The following NR3C2 variants were observed in gnomAD, a reference collection of about 807,000 sequenced individuals.
The protein encoded by NR3C2 is nuclear receptor subfamily 3 group C member 2.
Under a neutral mutation model 86.4 loss-of-function variants are expected in NR3C2, and 15 were observed. The observed-to-expected ratio is 0.17, with a 90% CI of 0.12 to 0.27. The LOEUF (loss-of-function observed/expected upper bound fraction) is 0.27. NR3C2 is among the 10% of genes least tolerant of loss of function. NR3C2 has a pLI of 1.00. For missense variants in NR3C2, 960 were observed against 1,195.6 expected (o/e 0.80, Z 2.91); for synonymous variants, 458 against 450.5 (o/e 1.02, Z -0.21).
At chr4:148,262,939 C>A (rs1740198870) in intron 2 of NR3C2, among the ~76,000 whole-genome samples, 2 of 152,194 alleles carry the variant, frequency 1.3e-5, no homozygotes, top group Non-Finnish European at 2.9e-5. Context: ...ACTCCTCCAG[C>A]ACCATCTACT....
At chr4:148,189,014 G>T (rs549166860) in intron 4 of NR3C2, among the ~76,000 whole-genome samples, 2 of 143,952 alleles carry the variant, frequency 1.4e-5, no homozygotes, top group East Asian at 4.3e-4. Context: ...TGCAACCTCC[G>T]CCTCCTGGGT....
intron 3 of NR3C2, among the ~76,000 whole-genome samples, chr4:148,249,376 T>C (rs1739468150): frequency 6.6e-6 from 1 of 152,166 alleles, no homozygotes; most frequent in Non-Finnish European, 1.5e-5. Context: ...GTACTAGATC[T>C]AGAATACTGT....
intron 3 of NR3C2, among the ~76,000 whole-genome samples, chr4:148,236,096 T>C (rs1473550281): frequency 2.6e-5 from 4 of 152,184 alleles, no homozygotes; most frequent in Non-Finnish European, 2.9e-5. Context: ...GACGTCCCCT[T>C]GGGAATGGCA....
Position 148,436,389 on chromosome 4 carries a change from T to A in NR3C2, c.472A>T (p.Asn158Tyr). ...GHRPSTLSCV[N>Y]TPLRSFMSDS... ...GACATAAATGATCTCAAGGGCGTGTTCACACAACTTAGAGTGGAAGGACGA... is the reference window on the plus strand; with the variant it reads ...GACATAAATGATCTCAAGGGCGTGTACACACAACTTAGAGTGGAAGGACGA... The change falls in exon 2 of 9, where the codon AAC (asparagine) becomes TAC (tyrosine). Residue 158 changes from asparagine to tyrosine, a missense_variant. Physicochemically the swap from Asn to Tyr is moderately radical, Grantham distance 143 (BLOSUM62 -2). Transcript: ENST00000358102. 1 of 1,614,244 alleles carries A rather than the reference T, an allele frequency of 6.2e-7. No individual in the cohort carries two copies. The highest frequency in any genetic ancestry group is 8.5e-7 in the Non-Finnish European group (1 of 1,180,044).
intron 2 of NR3C2, among the ~76,000 whole-genome samples, chr4:148,347,754 A>G (rs574504143): frequency 6.6e-6 from 1 of 152,260 alleles, no homozygotes; most frequent in East Asian, 1.9e-4. Flanking sequence ...TTACAACCTC[A>G]TGACACAAAA....
intron 6 of NR3C2, among the ~76,000 whole-genome samples, chr4:148,147,244 G>A (rs768383081): frequency 2.0e-5 from 3 of 152,030 alleles, no homozygotes; most frequent in African/African-American, 7.3e-5. Flanking sequence ...TGCTAATACC[G>A]AAGAATAAGA....
intron 2 of NR3C2, among the ~76,000 whole-genome samples, chr4:148,284,431 G>A (rs772622688): frequency 1.3e-5 from 2 of 152,090 alleles, no homozygotes; most frequent in African/African-American, 2.4e-5. Context: ...TCTGAGTGTC[G>A]ATAGCTCATG....
At chr4:148,239,930 C>T (rs541897202) in intron 3 of NR3C2, among the ~76,000 whole-genome samples, 11 of 151,846 alleles carry the variant, frequency 7.2e-5, no homozygotes, top group Non-Finnish European at 1.2e-4. Context: ...TCCTCTTTCA[C>T]GATGATGGGG....
chr4:148,107,546 C>T (rs553262688), intron 8 of NR3C2, among the ~76,000 whole-genome samples: 11 of 152,254 alleles, frequency 7.2e-5, no homozygotes, highest in Non-Finnish European at 1.2e-4. Context: ...TGCATGCACA[C>T]GTATATTTAT....
At chr4:148,398,414 A>C (rs1403570849) in intron 2 of NR3C2, among the ~76,000 whole-genome samples, 1 of 152,214 alleles carries the variant, frequency 6.6e-6, no homozygotes, top group Non-Finnish European at 1.5e-5. Context: ...GTGTACCCTT[A>C]AAGTATCCAA....
intron 3 of NR3C2, among the ~76,000 whole-genome samples, chr4:148,225,861 T>C (rs1738131091): frequency 6.6e-6 from 1 of 152,178 alleles, no homozygotes; most frequent in African/African-American, 2.4e-5. Context: ...GGCACTCGAC[T>C]GTATCACTCA....
intron 4 of NR3C2, among the ~76,000 whole-genome samples, chr4:148,186,996 G>GTATGTA (rs1735939864): frequency 7.4e-5 from 2 of 27,202 alleles, no homozygotes; most frequent in Non-Finnish European, 1.1e-4. Flanking sequence ...GTGTATGTAT[G>GTATGTA]TATATATATA....
chr4:148,203,256 A>G (rs933916101), intron 3 of NR3C2, among the ~76,000 whole-genome samples: 11 of 152,082 alleles, frequency 7.2e-5, no homozygotes, highest in African/African-American at 2.4e-4. Context: ...GTACGTCTTC[A>G]CTAACTACCC....
upstream of NR3C2, chr4:148,444,326 C>T: frequency 1.0e-6 from 1 of 985,472 alleles, no homozygotes; most frequent in Non-Finnish European, 1.2e-6. Flanking sequence ...GGGGCAGCCG[C>T]CGCGATCACT....
At chr4:148,428,459 T>C (rs1245817909) in intron 2 of NR3C2, among the ~76,000 whole-genome samples, 1 of 152,050 alleles carries the variant, frequency 6.6e-6, no homozygotes, top group Non-Finnish European at 1.5e-5. Flanking sequence ...CTAAGCACAA[T>C]ACATAATTCT....
At chr4:148,132,621 G>C (rs1356051962) in intron 6 of NR3C2, among the ~76,000 whole-genome samples, 2 of 152,146 alleles carry the variant, frequency 1.3e-5, no homozygotes, top group African/African-American at 2.4e-5. Context: ...GCTTTGCTAA[G>C]ACAGTTTATA....
intron 2 of NR3C2, among the ~76,000 whole-genome samples, chr4:148,425,994 T>C (rs1749510679): frequency 6.6e-6 from 1 of 152,136 alleles, no homozygotes; most frequent in Non-Finnish European, 1.5e-5. Flanking sequence ...CCCAGGACAC[T>C]GCCTCATCAA....
At chr4:148,389,495 T>C (rs372842586) in intron 2 of NR3C2, among the ~76,000 whole-genome samples, 43 of 152,224 alleles carry the variant, frequency 2.8e-4, no homozygotes, top group Admixed American at 2.0e-4. Flanking sequence ...ACTGAGTTTT[T>C]TGTACTTTTA....
intron 3 of NR3C2, among the ~76,000 whole-genome samples, chr4:148,223,888 T>G (rs1443287058): frequency 1.3e-5 from 2 of 152,166 alleles, no homozygotes; most frequent in African/African-American, 4.8e-5. Context: ...TAAATTTTCA[T>G]CTTGTTATGT....
Sources: gnomAD v4.1 joint callset for allele counts (sites outside exome capture counted in the v4.1 genomes callset) on GRCh38, gnomAD v4.1.1 for gene constraint, MANE v1.5 for transcripts, NCBI Gene and HGNC (gene_info 2026-07-23, HGNC 2026-07-21) for gene names.